USH2A: variants seen among roughly 807,000 people sequenced by gnomAD.
USH2A encodes usherin.
Under a neutral mutation model 538.9 loss-of-function variants are expected in USH2A, and 443 were observed. The observed-to-expected ratio is 0.82, with a 90% CI of 0.76 to 0.89. The LOEUF (loss-of-function observed/expected upper bound fraction) is 0.89, where lower values mean the gene tolerates loss of function less well. Ranked by LOEUF, USH2A falls within the 40% of genes least tolerant of loss-of-function variation. The pLI, the probability that USH2A is intolerant of heterozygous loss-of-function variation, is 0.00. For missense variants in USH2A, 6,633 were observed against 6,324.8 expected, an observed-to-expected ratio of 1.05 and a Z score of -1.65; for synonymous variants, 2,413 against 2,273.5, an observed-to-expected ratio of 1.06 and a Z score of -1.75.
chr1:215,651,321 C>T (rs958921581), intron 64 of USH2A, among the ~76,000 whole-genome samples: 1 of 152,080 alleles, frequency 6.6e-6, no homozygotes, highest in African/African-American at 2.4e-5. Context: ...TGCCTTAGGT[C>T]GTCATTTGCA....
intron 13 of USH2A, among the ~76,000 whole-genome samples, chr1:216,243,987 A>G (rs1165248106): frequency 1.3e-5 from 2 of 152,188 alleles, no homozygotes; most frequent in Non-Finnish European, 2.9e-5. Flanking sequence ...AGACAATAGA[A>G]GCTTGAGCAC....
At chr1:215,928,867 T>C (rs1418170162) in intron 38 of USH2A, among the ~76,000 whole-genome samples, 4 of 152,116 alleles carry the variant, frequency 2.6e-5, no homozygotes, top group Admixed American at 6.6e-5. Context: ...AGAATGGAAT[T>C]CAGTAGTTCA....
rs1249104608 is a variant in USH2A at position 216,024,702 on chromosome 1, T to C, written c.6325+21729A>G. Reference sequence around the variant, plus strand: ...CCATAAGTATTTGTTGGACAGCTACTTTGTGCATCTACTATGCATTTTATG... The same window carrying C: ...CCATAAGTATTTGTTGGACAGCTACCTTGTGCATCTACTATGCATTTTATG... On this transcript the variant is annotated intron_variant, in intron 32 of 71. Coordinates refer to ENST00000307340, the MANE Select transcript of USH2A (RefSeq NM_206933.4). Among the ~76,000 whole-genome samples, 3 of 152,006 alleles carry C rather than the reference T, an allele frequency of 2.0e-5. No individual in the cohort carries two copies. The East Asian group carries it at 5.8e-4, about 29-fold the overall frequency.
rs558997492 is a variant in USH2A at position 216,031,841 on chromosome 1, C to A, written c.6325+14590G>T. On this transcript the variant is annotated intron_variant, in intron 32 of 71. Transcript: ENST00000307340. ...TTCCCTCTTTAATTTTTGTGAAATG[C>A]GCATTAATAGTTCTGTGTCTAGTGA... Among the ~76,000 whole-genome samples the A allele has an allele frequency of 3.9e-5, 6 of 152,254 alleles. No individual in the cohort carries two copies. In the East Asian group the frequency reaches 1.2e-3, roughly 29 times the overall value.
At position 216,422,473 on chromosome 1, in the gene USH2A, C is replaced by T; in HGVS notation, c.-137G>A. 6 of 1,300,804 alleles carry T rather than the reference C, an allele frequency of 4.6e-6. No individual in the cohort carries two copies. The highest frequency in any genetic ancestry group is 6.4e-6 in the Non-Finnish European group (6 of 931,716). The allele number at this position is 1,300,804 out of a possible 1,614,324, so 80.6% of individuals were successfully genotyped here. Reference sequence around the variant, plus strand: ...CTCCATTTTCTGGAAACTGCAGACACGTTCTCAGAGTAAGGTAATACCAAC... The same window carrying T: ...CTCCATTTTCTGGAAACTGCAGACATGTTCTCAGAGTAAGGTAATACCAAC... On this transcript the variant is annotated 5_prime_UTR_variant, in exon 2 of 72. The change creates a new upstream start codon in the 5' untranslated region. Transcript: ENST00000307340.
At chr1:215,803,180 T>G (rs1662390662) in intron 49 of USH2A, among the ~76,000 whole-genome samples, 1 of 152,162 alleles carries the variant, frequency 6.6e-6, no homozygotes, top group African/African-American at 2.4e-5. Flanking sequence ...AATATCATAC[T>G]GAATGGGCAA....
intron 40 of USH2A, among the ~76,000 whole-genome samples, chr1:215,891,264 A>G (rs1665202834): frequency 6.6e-6 from 1 of 152,126 alleles, no homozygotes; most frequent in African/African-American, 2.4e-5. Flanking sequence ...GCCAGCATAC[A>G]TTTTATTAGC....
chr1:215,912,362 A>T (rs1665806367), intron 38 of USH2A, among the ~76,000 whole-genome samples: 1 of 150,774 alleles, frequency 6.6e-6, no homozygotes, highest in Admixed American at 6.6e-5. Context: ...ACCAATTTTG[A>T]TTTTATTTTT....
chr1:216,066,137 G>A (rs942280244), intron 30 of USH2A, among the ~76,000 whole-genome samples: 4 of 151,866 alleles, frequency 2.6e-5, no homozygotes, highest in Non-Finnish European at 4.4e-5. Flanking sequence ...TCTGCTTGCT[G>A]GTGGAAGCAT....
intron 36 of USH2A, among the ~76,000 whole-genome samples, chr1:215,966,710 A>G (rs571059638): frequency 1.3e-5 from 2 of 152,318 alleles, no homozygotes; most frequent in East Asian, 1.9e-4. Context: ...AAAAATATCA[A>G]TTCATCATTT....
At chr1:216,175,880 C>T (rs2034370634) in intron 20 of USH2A, among the ~76,000 whole-genome samples, 1 of 152,106 alleles carries the variant, frequency 6.6e-6, no homozygotes, top group Non-Finnish European at 1.5e-5. Context: ...TGGCTCATGG[C>T]TGCCCCCTTC....
chr1:215,933,837 T>C (rs1444401009), intron 38 of USH2A, among the ~76,000 whole-genome samples: 1 of 151,970 alleles, frequency 6.6e-6, no homozygotes, highest in Non-Finnish European at 1.5e-5. Context: ...ACACATTCTT[T>C]AGCACTCAAT....
At chr1:216,063,482 A>G (rs1298565119) in intron 30 of USH2A, among the ~76,000 whole-genome samples, 1 of 152,164 alleles carries the variant, frequency 6.6e-6, no homozygotes, top group East Asian at 1.9e-4. Context: ...GTCCTTGATG[A>G]CTCAATTTAG....
intron 55 of USH2A, among the ~76,000 whole-genome samples, chr1:215,773,096 T>C (rs1661340284): frequency 6.6e-6 from 1 of 152,192 alleles, no homozygotes; most frequent in African/African-American, 2.4e-5. Flanking sequence ...AAGCCTTTTC[T>C]TTTTAGTAAA....
chr1:216,070,049 G>T, intron 30 of USH2A, 52 bp downstream of exon 30: 1 of 1,586,668 alleles, frequency 6.3e-7, no homozygotes. Flanking sequence ...TATTTAAAAT[G>T]CAAACAAAAA....
chr1:216,185,076 C>T (rs1474925735), intron 20 of USH2A, among the ~76,000 whole-genome samples: 1 of 151,888 alleles, frequency 6.6e-6, no homozygotes, highest in Non-Finnish European at 1.5e-5. Context: ...AAAGGAGAAT[C>T]TTAAAGAAAA....
At chr1:215,909,028 A>G (rs1370828367) in intron 38 of USH2A, among the ~76,000 whole-genome samples, 7 of 149,640 alleles carry the variant, frequency 4.7e-5, no homozygotes, top group Non-Finnish European at 8.9e-5. Context: ...AATATATTAT[A>G]TATCTACATG....
At position 216,341,375 on chromosome 1, in the gene USH2A, C is replaced by T. The variant is rs562846527; in HGVS notation, c.785-13721G>A. ...ATAAACAAATGGAAAAACATTCCAT[C>T]GTCATGGATAGGAAGAATCAATAAC... is the stretch of plus-strand genomic sequence containing the variant. On this transcript the variant is annotated intron_variant, in intron 4 of 71. Coordinates refer to ENST00000307340, the MANE Select transcript of USH2A (RefSeq NM_206933.4). Among the ~76,000 whole-genome samples the T allele has an allele frequency of 5.3e-5, 8 of 151,976 alleles. No homozygotes were observed. In the East Asian group the frequency reaches 1.6e-3, roughly 29 times the overall value.
intron 21 of USH2A, among the ~76,000 whole-genome samples, chr1:216,107,158 T>C (rs1345882483): frequency 1.3e-5 from 2 of 151,884 alleles, no homozygotes; most frequent in Non-Finnish European, 3.0e-5. Flanking sequence ...AGTTTGTTGA[T>C]AGTGTGTTTG....
Sources: allele counts gnomAD v4.1 joint callset (sites outside exome capture counted in the v4.1 genomes callset), GRCh38; gene constraint gnomAD v4.1.1; transcripts MANE v1.5; gene names NCBI Gene and HGNC (gene_info 2026-07-23, HGNC 2026-07-21).